The following PEBP4 variants were observed in gnomAD, a reference collection of about 807,000 sequenced individuals.
PEBP4 encodes phosphatidylethanolamine binding protein 4, also known as phosphatidylethanolamine-binding protein 4.
A neutral mutation model predicts 23.9 loss-of-function variants in PEBP4; 22 were observed. The ratio of observed to expected loss-of-function variants is 0.92; its 90% CI spans 0.66 to 1.31. PEBP4 has a LOEUF of 1.31. PEBP4 is among the 40% of genes most tolerant of loss of function. The pLI, the probability that PEBP4 is intolerant of heterozygous loss-of-function variation, is 0.00. For missense variants in PEBP4, 324 were observed against 281.7 expected (o/e 1.15, Z -1.07); for synonymous variants, 112 against 99.3 (o/e 1.13, Z -0.76).
intron 1 of PEBP4, among the ~76,000 whole-genome samples, chr8:22,933,038 T>C (rs906885521): frequency 6.6e-6 from 1 of 151,924 alleles, no homozygotes; most frequent in Non-Finnish European, 1.5e-5. Flanking sequence ...AATTTCATTT[T>C]CTTTCTACCT....
intron 3 of PEBP4, among the ~76,000 whole-genome samples, chr8:22,825,230 G>T (rs1022161270): frequency 6.6e-6 from 1 of 152,230 alleles, no homozygotes; most frequent in African/African-American, 2.4e-5. Flanking sequence ...TTAGCCCTTA[G>T]CCAGGCTCCT....
chr8:22,935,207 A>G (rs1045633458), intron 1 of PEBP4, among the ~76,000 whole-genome samples: 2 of 152,226 alleles, frequency 1.3e-5, no homozygotes, highest in African/African-American at 4.8e-5. Flanking sequence ...TAGAACAACT[A>G]GGCAGAAGAC....
intron 4 of PEBP4, among the ~76,000 whole-genome samples, chr8:22,755,323 C>T (rs935421127): frequency 6.8e-6 from 1 of 147,608 alleles, no homozygotes; most frequent in Non-Finnish European, 1.5e-5. Context: ...CATTTCTCTC[C>T]CTCTTTTTTT....
intron 3 of PEBP4, among the ~76,000 whole-genome samples, chr8:22,846,548 C>T (rs534991415): frequency 1.3e-5 from 2 of 152,264 alleles, no homozygotes; most frequent in Middle Eastern, 3.4e-3. Flanking sequence ...GTCACCACTG[C>T]GATGCCCACA....
chr8:22,735,219 A>C (rs1232326300), intron 4 of PEBP4, among the ~76,000 whole-genome samples: 1 of 152,228 alleles, frequency 6.6e-6, no homozygotes, highest in Non-Finnish European at 1.5e-5. Flanking sequence ...TAATAATTAC[A>C]GGCTTAAATA....
At chr8:22,782,774 C>T (rs953216618) in intron 4 of PEBP4, among the ~76,000 whole-genome samples, 9 of 152,176 alleles carry the variant, frequency 5.9e-5, no homozygotes, top group Admixed American at 3.9e-4. Flanking sequence ...GTTTTATCAG[C>T]AGCTGGCCCA....
intron 4 of PEBP4, among the ~76,000 whole-genome samples, chr8:22,732,405 A>G (rs1804757100): frequency 6.6e-6 from 1 of 152,132 alleles, no homozygotes; most frequent in Admixed American, 6.5e-5. Context: ...TGGAGGGCCC[A>G]TGGTGGGGGC....
intron 3 of PEBP4, among the ~76,000 whole-genome samples, chr8:22,894,563 C>G (rs374376731): frequency 3.0e-4 from 45 of 152,162 alleles, no homozygotes; most frequent in African/African-American, 8.7e-4. Flanking sequence ...GCTTGGGCAA[C>G]AGAGTGAGAC....
intron 3 of PEBP4, among the ~76,000 whole-genome samples, chr8:22,906,681 T>A (rs563292299): frequency 2.0e-4 from 31 of 152,368 alleles, no homozygotes; most frequent in African/African-American, 7.2e-4. Context: ...GAGTTTGGCA[T>A]TGACAGGTTG....
At chr8:22,868,630 C>T (rs925668427) in intron 3 of PEBP4, among the ~76,000 whole-genome samples, 9 of 152,330 alleles carry the variant, frequency 5.9e-5, no homozygotes, top group East Asian at 1.9e-4. Context: ...CCTAAACCTG[C>T]TCCTATCCCT....
intron 3 of PEBP4, among the ~76,000 whole-genome samples, chr8:22,912,818 G>A (rs1808971284): frequency 6.6e-6 from 1 of 152,220 alleles, no homozygotes; most frequent in African/African-American, 2.4e-5. Flanking sequence ...GCTGAGTGAT[G>A]TTAGCACTTT....
At chr8:22,767,826 G>A (rs544470208) in intron 4 of PEBP4, among the ~76,000 whole-genome samples, 8 of 152,180 alleles carry the variant, frequency 5.3e-5, no homozygotes, top group African/African-American at 1.9e-4. Flanking sequence ...TGCAACCTCC[G>A]TCTCCCAGTT....
At position 22,752,427 on chromosome 8, in the gene PEBP4, G is replaced by C. The variant is rs116053685; in HGVS notation, c.358-25207C>G. ...CTACGGTTGCCTGGCCATAGACCCTGTGGAAGCTCACTTTAAGGGAGCAAT... is the reference window on the plus strand; with the variant it reads ...CTACGGTTGCCTGGCCATAGACCCTCTGGAAGCTCACTTTAAGGGAGCAAT... On this transcript the variant is annotated intron_variant, in intron 4 of 6. Coordinates refer to ENST00000256404, the MANE Select transcript of PEBP4 (RefSeq NM_144962.3). Among the ~76,000 whole-genome samples, 754 of 152,360 alleles carry C rather than the reference G, an allele frequency of 4.9e-3. 10 individuals are homozygous for C. The highest frequency in any genetic ancestry group is 0.018 in the African/African-American group (728 of 41,584).
intron 3 of PEBP4, among the ~76,000 whole-genome samples, chr8:22,871,176 G>A (rs1054484120): frequency 1.3e-5 from 2 of 152,146 alleles, no homozygotes; most frequent in African/African-American, 4.8e-5. Context: ...AGGTGACCCC[G>A]GAAAGCAGGA....
chr8:22,822,258 G>A (rs1409194423), intron 3 of PEBP4, among the ~76,000 whole-genome samples: 4 of 151,944 alleles, frequency 2.6e-5, no homozygotes, highest in African/African-American at 7.3e-5. Context: ...GATGCTATAG[G>A]AAATTAAATC....
At position 22,847,923 on chromosome 8, in the gene PEBP4, C is replaced by G. The variant is rs189449250; in HGVS notation, c.259-30188G>C. On this transcript the variant is annotated intron_variant, in intron 3 of 6. Coordinates refer to ENST00000256404, the MANE Select transcript of PEBP4 (RefSeq NM_144962.3). ...GGGGGTAATCGCTGAACTCTGTGAG[C>G]CAAACACCTAGAAAGAGCTGAAATG... Among the ~76,000 whole-genome samples, 618 of 152,256 alleles carry G rather than the reference C, an allele frequency of 4.1e-3. 2 individuals carry two copies. The highest frequency in any genetic ancestry group is 7.1e-3 in the Non-Finnish European group (486 of 68,020).
At chr8:22,878,998 C>G (rs191730500) in intron 3 of PEBP4, among the ~76,000 whole-genome samples, 1 of 152,298 alleles carries the variant, frequency 6.6e-6, no homozygotes, top group Admixed American at 6.5e-5. Context: ...GGTATCTCCT[C>G]TGTGTTCCTT....
At chr8:22,917,884 C>G (rs1809110931) in intron 3 of PEBP4, among the ~76,000 whole-genome samples, 1 of 152,160 alleles carries the variant, frequency 6.6e-6, no homozygotes, top group Non-Finnish European at 1.5e-5. Flanking sequence ...TTGGGGCCAT[C>G]TTTGTCACAA....
chr8:22,801,725 C>T (rs1372435928), intron 4 of PEBP4, among the ~76,000 whole-genome samples: 2 of 152,074 alleles, frequency 1.3e-5, no homozygotes. Context: ...TGCATGCACA[C>T]ACATGCACAC....
Sources: gnomAD v4.1 joint callset for allele counts (sites outside exome capture counted in the v4.1 genomes callset) on GRCh38, gnomAD v4.1.1 for gene constraint, MANE v1.5 for transcripts, NCBI Gene and HGNC (gene_info 2026-07-23, HGNC 2026-07-21) for gene names.